The following ANKRD12 variants were observed in gnomAD, a reference collection of about 807,000 sequenced individuals.
The protein encoded by ANKRD12 is ankyrin repeat domain 12.
ANKRD12 carries 85 observed loss-of-function variants against 183.4 expected under a neutral mutation model. The observed-to-expected ratio is 0.46, with a 90% CI of 0.39 to 0.56. The LOEUF is 0.56. Ranked by LOEUF, ANKRD12 falls within the 20% of genes least tolerant of loss-of-function variation. ANKRD12 has a pLI of 0.00. For synonymous variants in ANKRD12, 914 were observed against 800.2 expected (o/e 1.14, Z -2.40); for missense variants, 2,405 against 2,357.1 (o/e 1.02, Z -0.42).
At chr18:9,157,583 G>GTATATATATATATATATATATATATA (rs1184683418) in intron 1 of ANKRD12, among the ~76,000 whole-genome samples, 1 of 100,566 alleles carries the variant, frequency 9.9e-6, no homozygotes, top group Non-Finnish European at 1.8e-5. Context: ...GTGTGTGTGT[G>GTATATATATATATATATATATATATA]TGTATATATA....
intron 1 of ANKRD12, among the ~76,000 whole-genome samples, chr18:9,145,805 T>C (rs185970351): frequency 3.9e-4 from 59 of 152,340 alleles, no homozygotes; most frequent in Admixed American, 1.3e-3. Flanking sequence ...TCTAGAAGTA[T>C]AGAATTTAAA....
chr18:9,154,959 A>G (rs2030186470), intron 1 of ANKRD12, among the ~76,000 whole-genome samples: 1 of 152,210 alleles, frequency 6.6e-6, no homozygotes, highest in Admixed American at 6.5e-5. Flanking sequence ...CTAGGACTAG[A>G]AATACAGAGT....
intron 11 of ANKRD12, among the ~76,000 whole-genome samples, chr18:9,278,175 T>C (rs1332776798): frequency 6.6e-6 from 1 of 152,254 alleles, no homozygotes; most frequent in Non-Finnish European, 1.5e-5. Flanking sequence ...GCATTTTTGG[T>C]GACTTATTTA....
Position 9,284,500 on chromosome 18 carries a change from A to C in ANKRD12, c.*3374A>C, listed in dbSNP as rs1290269538. On this transcript the variant is annotated 3_prime_UTR_variant, in exon 13 of 13. Coordinates refer to ENST00000262126, the MANE Select transcript of ANKRD12 (RefSeq NM_015208.5). ...AATAGTCCTCTTTTTAAACAGTTTAAAGGAAGCATTTTCACCGTTTGTAAA... is the reference window on the plus strand; with the variant it reads ...AATAGTCCTCTTTTTAAACAGTTTACAGGAAGCATTTTCACCGTTTGTAAA... 1 of 152,226 alleles carries C rather than the reference A, an allele frequency of 6.6e-6. No individual in the cohort carries two copies. The highest frequency in any genetic ancestry group is 1.5e-5 in the Non-Finnish European group (1 of 68,034). 9.4% of individuals were successfully genotyped at this position (152,226 alleles called of 1,614,324 possible). A position where few individuals can be genotyped will look rare whatever the true frequency, so the allele number is the denominator to read the frequency against.
chr18:9,219,734 C>T (rs912497999), intron 7 of ANKRD12, among the ~76,000 whole-genome samples: 6 of 141,840 alleles, frequency 4.2e-5, no homozygotes, highest in African/African-American at 7.9e-5. Flanking sequence ...CAGAGCCATA[C>T]AACACAGAAT....
chr18:9,155,260 A>G (rs2030232982), intron 1 of ANKRD12, among the ~76,000 whole-genome samples: 1 of 152,208 alleles, frequency 6.6e-6, no homozygotes. Flanking sequence ...TTAATTGTAC[A>G]TTTTTAAGTA....
intron 8 of ANKRD12, chr18:9,239,445 A>C: frequency 9.8e-7 from 1 of 1,016,736 alleles, no homozygotes; most frequent in Non-Finnish European, 1.3e-6. Context: ...TGATTGTTTC[A>C]TGTGTTCATC....
chr18:9,172,272 G>T (rs2032813729), intron 1 of ANKRD12, among the ~76,000 whole-genome samples: 1 of 152,150 alleles, frequency 6.6e-6, no homozygotes, highest in South Asian at 2.1e-4. Flanking sequence ...GGCCCTTCTT[G>T]CTAGGTTGGA....
chr18:9,216,642 T>G, intron 6 of ANKRD12, 116 bp from the exon 7 acceptor site: 4 of 1,021,650 alleles, frequency 3.9e-6, no homozygotes, highest in Non-Finnish European at 5.7e-6. Context: ...TCACTCCTTT[T>G]TTTTTGCACG....
At chr18:9,206,287 AT>A (rs1210968501) in intron 4 of ANKRD12, among the ~76,000 whole-genome samples, 1 of 152,064 alleles carries the variant, frequency 6.6e-6, no homozygotes, top group Admixed American at 6.6e-5. Flanking sequence ...AAGTAAATAC[AT>A]TTTGCAGGTA....
At chr18:9,244,686 C>T (rs2037855457) in intron 8 of ANKRD12, among the ~76,000 whole-genome samples, 1 of 152,110 alleles carries the variant, frequency 6.6e-6, no homozygotes, top group Non-Finnish European at 1.5e-5. Context: ...TGAACAAGAA[C>T]AGAGACAAAA....
chr18:9,232,878 C>G (rs960555814), intron 8 of ANKRD12, among the ~76,000 whole-genome samples: 1 of 149,770 alleles, frequency 6.7e-6, no homozygotes, highest in Non-Finnish European at 1.5e-5. Context: ...AAGACAGAAT[C>G]TGGCTCTGTT....
At chr18:9,280,038 GATAATTTGAAATCTC>G (rs1184260232) in intron 12 of ANKRD12, among the ~76,000 whole-genome samples, 3 of 152,106 alleles carry the variant, frequency 2.0e-5, no homozygotes, top group African/African-American at 2.4e-5. Context: ...TGTTTCTTTT[GATAATTTGAAATCTC>G]ATAATTTGAA....
intron 7 of ANKRD12, among the ~76,000 whole-genome samples, chr18:9,218,951 G>A (rs745796417): frequency 1.2e-4 from 18 of 152,088 alleles, no homozygotes; most frequent in Non-Finnish European, 2.5e-4. Context: ...ATTAGCCACC[G>A]GTGGCACCTC....
chr18:9,242,712 G>A (rs1019213455), intron 8 of ANKRD12, among the ~76,000 whole-genome samples: 1 of 152,136 alleles, frequency 6.6e-6, no homozygotes, highest in Non-Finnish European at 1.5e-5. Context: ...GTAGAAAGAC[G>A]TATGATTGAG....
At chr18:9,235,331 A>C (rs1223657079) in intron 8 of ANKRD12, among the ~76,000 whole-genome samples, 1 of 152,182 alleles carries the variant, frequency 6.6e-6, no homozygotes. Context: ...TGTTAACAAA[A>C]ACAAAAATTG....
intron 3 of ANKRD12, 84 bp downstream of exon 3, chr18:9,195,782 AC>A: frequency 8.2e-7 from 1 of 1,216,426 alleles, no homozygotes; most frequent in Non-Finnish European, 1.1e-6. Context: ...TCCTCTTGAC[AC>A]CCCAGTTTAT....
intron 1 of ANKRD12, among the ~76,000 whole-genome samples, chr18:9,156,598 T>G (rs1025547947): frequency 1.3e-5 from 2 of 152,134 alleles, no homozygotes; most frequent in African/African-American, 2.4e-5. Flanking sequence ...TAGAGAAGCT[T>G]TATATCTAAA....
chr18:9,187,382 AAG>A (rs1306008041), intron 2 of ANKRD12, among the ~76,000 whole-genome samples: 5 of 152,186 alleles, frequency 3.3e-5, no homozygotes, highest in Non-Finnish European at 7.3e-5. Context: ...CCAGCCTGGC[AAG>A]AGAGCAGGAC....
Sources: gnomAD v4.1 joint callset for allele counts (sites outside exome capture counted in the v4.1 genomes callset) on GRCh38, gnomAD v4.1.1 for gene constraint, MANE v1.5 for transcripts, NCBI Gene and HGNC (gene_info 2026-07-23, HGNC 2026-07-21) for gene names.